The following NUP93 variants were observed in gnomAD, a reference collection of about 807,000 sequenced individuals.
NUP93 encodes nuclear pore complex protein Nup93.
A neutral mutation model predicts 107.8 loss-of-function variants in NUP93; 55 were observed. The ratio of observed to expected loss-of-function variants is 0.51; its 90% confidence interval spans 0.41 to 0.64. The LOEUF (loss-of-function observed/expected upper bound fraction) is 0.64. Among genes scored for constraint, NUP93 ranks in the 30% least tolerant of loss-of-function variants. The probability of loss-of-function intolerance (pLI) is 0.00; values close to 1 mark genes in which losing one functional copy is unlikely to be tolerated. For synonymous variants in NUP93, 390 were observed against 397.5 expected (o/e 0.98, Z 0.22); for missense variants, 937 against 1,044.7 (o/e 0.90, Z 1.42).
chr16:56,834,395 A>G lies in NUP93; in HGVS notation c.1690A>G (p.Asn564Asp), dbSNP rs749847760. The change falls in exon 15 of 22, where the codon AAC becomes GAC. Residue 564 changes from asparagine to aspartate, a missense_variant. Asn to Asp is a conservative substitution (Grantham distance 23). Coordinates refer to ENST00000308159, the MANE Select transcript of NUP93 (RefSeq NM_014669.5). The part of the protein sequence containing the change: ...LRDEKDSQGE[N>D]MFLRCVSELV... The stretch of plus-strand genomic sequence containing the variant: ...GGATGAGAAAGATAGTCAAGGAGAA[A>G]ACATGTTTCTGCGCTGTGTGAGTGA... The G allele has an allele frequency of 1.2e-6, 2 of 1,614,206 alleles. No homozygotes were observed. Among genetic ancestry groups the G allele is most frequent in the Non-Finnish European group, 1.7e-6 (2 of 1,180,046 alleles).
intron 8 of NUP93, among the ~76,000 whole-genome samples, chr16:56,828,291 TTA>T (rs1963710747): frequency 6.6e-6 from 1 of 151,512 alleles, no homozygotes; most frequent in Admixed American, 6.6e-5. Flanking sequence ...GGCTTGACAA[TTA>T]TATTTTCTTG....
intron 18 of NUP93, among the ~76,000 whole-genome samples, chr16:56,838,702 A>G (rs1004802136): frequency 2.0e-5 from 3 of 152,140 alleles, no homozygotes; most frequent in Admixed American, 6.6e-5. Context: ...AGTAACTAGG[A>G]CTACAGGCAT....
At chr16:56,778,404 C>T (rs538264622) in intron 3 of NUP93, among the ~76,000 whole-genome samples, 8 of 152,018 alleles carry the variant, frequency 5.3e-5, no homozygotes, top group South Asian at 4.2e-4. Context: ...TTGAAAGTTT[C>T]GAAGCAGGTA....
chr16:56,772,413 G>C (rs1299339440), intron 3 of NUP93, among the ~76,000 whole-genome samples: 1 of 152,196 alleles, frequency 6.6e-6, no homozygotes, highest in Non-Finnish European at 1.5e-5. Context: ...TGCTGAGGAA[G>C]GCATCAAGTG....
chr16:56,833,752 G>A (rs1421613878), intron 13 of NUP93, among the ~76,000 whole-genome samples: 2 of 152,136 alleles, frequency 1.3e-5, no homozygotes, highest in African/African-American at 4.8e-5. Flanking sequence ...CCCCAGCCAG[G>A]CATGTGCATA....
At chr16:56,751,342 G>A (rs1961915622) in intron 2 of NUP93, among the ~76,000 whole-genome samples, 1 of 152,194 alleles carries the variant, frequency 6.6e-6, no homozygotes, top group African/African-American at 2.4e-5. Context: ...CTCTCCTTGT[G>A]ATAATACTAT....
At chr16:56,751,597 C>T (rs1189649101) in intron 2 of NUP93, among the ~76,000 whole-genome samples, 1 of 152,126 alleles carries the variant, frequency 6.6e-6, no homozygotes, top group East Asian at 1.9e-4. Context: ...GTCTGCAGTG[C>T]CTGAGAGGTA....
At chr16:56,771,189 C>T (rs543801417) in intron 3 of NUP93, among the ~76,000 whole-genome samples, 3 of 152,324 alleles carry the variant, frequency 2.0e-5, no homozygotes, top group African/African-American at 7.2e-5. Context: ...TTGAGGGACA[C>T]ATCATCATAA....
In NUP93 at chr16:56,832,015, C is replaced by G. The variant is rs764719210; in HGVS notation, c.1251+8C>G. On this transcript the variant is annotated splice_region_variant and intron_variant, in intron 11 of 21. Transcript: ENST00000308159. ...GATTACCTGTGGCTGAAGGTAGGCA[C>G]TGTTTCCCCTGCCCACATAGGGCTT... is the stretch of plus-strand genomic sequence containing the variant. 6.2e-7 allele frequency: 1 copy of G among 1,613,936 alleles called. No homozygotes were observed. The highest frequency in any genetic ancestry group is 8.5e-7 in the Non-Finnish European group (1 of 1,179,904).
At position 56,789,949 on chromosome 16, in the gene NUP93, T is replaced by G. The variant is rs543826200; in HGVS notation, c.298-8527T>G. On this transcript the variant is annotated intron_variant, in intron 3 of 21. Coordinates refer to ENST00000308159, the MANE Select transcript of NUP93 (RefSeq NM_014669.5). ...ACCCGTCTCTACTAAAGCAGAAAAT[T>G]AGCTGGGCATGGTGGCGTGCGCCTG... Among the ~76,000 whole-genome samples the G allele has an allele frequency of 1.2e-3, 178 of 152,222 alleles. 1 individual carries two copies. The highest frequency in any genetic ancestry group is 2.2e-3 in the Non-Finnish European group (147 of 68,020).
intron 3 of NUP93, among the ~76,000 whole-genome samples, chr16:56,789,725 C>G (rs1276619316): frequency 6.6e-6 from 1 of 152,258 alleles, no homozygotes; most frequent in African/African-American, 2.4e-5. Flanking sequence ...CCGCTTAGCA[C>G]TGCTTTCTGC....
At chr16:56,741,984 C>T (rs1375002374) in intron 1 of NUP93, among the ~76,000 whole-genome samples, 1 of 152,172 alleles carries the variant, frequency 6.6e-6, no homozygotes, top group Non-Finnish European at 1.5e-5. Context: ...TGTCTTTATT[C>T]TTTCATCTTT....
chr16:56,820,117 T>A (rs1345290477), intron 6 of NUP93, among the ~76,000 whole-genome samples: 1 of 152,222 alleles, frequency 6.6e-6, no homozygotes, highest in African/African-American at 2.4e-5. Flanking sequence ...CTGCAAAGAC[T>A]AAAGATGTCA....
In NUP93 at chr16:56,821,948, C is replaced by T. The variant is rs544261964; in HGVS notation, c.654+355C>T. ...GAATTGTTAAGGTGATGGCTTTTTA[C>T]ACCTGTGAGCCCTCGAACTTGACTC... On this transcript the variant is annotated intron_variant, in intron 7 of 21. Transcript: ENST00000308159. 3.3e-5 allele frequency among the ~76,000 whole-genome samples: 5 copies of T among 150,620 alleles called. No individual in the cohort carries two copies. In the East Asian group the frequency reaches 5.8e-4, roughly 18 times the overall value.
chr16:56,843,286 T>C (rs1964062335), intron 21 of NUP93, among the ~76,000 whole-genome samples: 1 of 152,164 alleles, frequency 6.6e-6, no homozygotes, highest in Non-Finnish European at 1.5e-5. Context: ...TTTGTGAATG[T>C]GAGTATTGAG....
At chr16:56,742,421 ATAT>A (rs1250129839) in intron 1 of NUP93, among the ~76,000 whole-genome samples, 1 of 152,208 alleles carries the variant, frequency 6.6e-6, no homozygotes, top group Non-Finnish European at 1.5e-5. Flanking sequence ...CCAGAGAAAA[ATAT>A]TTTATAACCA....
chr16:56,797,481 G>A (rs952176136), intron 3 of NUP93, among the ~76,000 whole-genome samples: 5 of 152,126 alleles, frequency 3.3e-5, no homozygotes, highest in Non-Finnish European at 5.9e-5. Context: ...AGGTGTTGGC[G>A]GGGAAGTGCA....
In NUP93 at chr16:56,832,021, C is replaced by T. The variant is rs1430870451; in HGVS notation, c.1251+14C>T. 3.7e-6 allele frequency: 6 copies of T among 1,613,560 alleles called. No individual in the cohort carries two copies. In the African/African-American group the frequency reaches 6.7e-5, roughly 18 times the overall value. On this transcript the variant is annotated intron_variant, in intron 11 of 21. Coordinates refer to ENST00000308159, the MANE Select transcript of NUP93 (RefSeq NM_014669.5). ...CTGTGGCTGAAGGTAGGCACTGTTT[C>T]CCCTGCCCACATAGGGCTTTACCCC...
At chr16:56,770,169 G>A (rs1386076665) in intron 3 of NUP93, among the ~76,000 whole-genome samples, 1 of 152,218 alleles carries the variant, frequency 6.6e-6, no homozygotes, top group Non-Finnish European at 1.5e-5. Context: ...GACTAAGCAG[G>A]GAAGGGAGAA....
Sources: gnomAD v4.1 joint callset for allele counts (sites outside exome capture counted in the v4.1 genomes callset) on GRCh38, gnomAD v4.1.1 for gene constraint, MANE v1.5 for transcripts, NCBI Gene and HGNC (gene_info 2026-07-23, HGNC 2026-07-21) for gene names.